CTNNA2: variants seen among roughly 807,000 people sequenced by gnomAD.
CTNNA2 encodes catenin alpha-2.
Under a neutral mutation model 101.0 loss-of-function variants are expected in CTNNA2, and 42 were observed. The observed-to-expected ratio is 0.42, with a 90% CI of 0.32 to 0.54. The LOEUF (loss-of-function observed/expected upper bound fraction) is 0.54. Among genes scored for constraint, CTNNA2 ranks in the 20% least tolerant of loss-of-function variants. The pLI, the probability that CTNNA2 is intolerant of heterozygous loss-of-function variation, is 0.14. For missense variants in CTNNA2, 871 were observed against 1,223.1 expected (o/e 0.71, Z 4.29); for synonymous variants, 450 against 456.4 (o/e 0.99, Z 0.18).
At chr2:79,400,262 G>A (rs778701187) in intron 4 of CTNNA2, among the ~76,000 whole-genome samples, 1 of 151,926 alleles carries the variant, frequency 6.6e-6, no homozygotes. Context: ...TGTCTACAAG[G>A]AAATTCCTTG....
intron 9 of CTNNA2, among the ~76,000 whole-genome samples, chr2:80,517,261 GCCCT>G (rs1370655840): frequency 6.6e-6 from 1 of 152,220 alleles, no homozygotes; most frequent in Non-Finnish European, 1.5e-5. Flanking sequence ...TTGGCTGTCA[GCCCT>G]GGAGGCTCAT....
chr2:79,670,468 T>G (rs1682759973), intron 2 of CTNNA2, among the ~76,000 whole-genome samples: 1 of 152,062 alleles, frequency 6.6e-6, no homozygotes, highest in South Asian at 2.1e-4. Flanking sequence ...GAAGACTGAC[T>G]CCATGGAGTG....
At chr2:79,481,034 T>C (rs1671104314) in intron 4 of CTNNA2, among the ~76,000 whole-genome samples, 1 of 152,120 alleles carries the variant, frequency 6.6e-6, no homozygotes, top group Non-Finnish European at 1.5e-5. Context: ...TTATCTTTTA[T>C]TTCAATGGAA....
At chr2:79,767,339 T>C (rs929385377) in intron 3 of CTNNA2, among the ~76,000 whole-genome samples, 3 of 152,124 alleles carry the variant, frequency 2.0e-5, no homozygotes, top group South Asian at 4.1e-4. Context: ...TTCTCCAGGA[T>C]TGGTCCCTGG....
rs1328867857 is a variant in CTNNA2 at position 80,213,740 on chromosome 2, C to A, written c.1057-179471C>A. ...AGATGTCTATTAGGTCTGCTTGGTGCAGAGCTGAGTTCAATTCCTGGGTAT... is the reference window on the plus strand; with the variant it reads ...AGATGTCTATTAGGTCTGCTTGGTGAAGAGCTGAGTTCAATTCCTGGGTAT... On this transcript the variant is annotated intron_variant, in intron 7 of 18. Coordinates refer to ENST00000402739, the MANE Select transcript of CTNNA2 (RefSeq NM_001282597.3). Among the ~76,000 whole-genome samples the A allele has an allele frequency of 2.0e-5, 3 of 152,102 alleles. No individual in the cohort carries two copies. The East Asian group carries it at 5.8e-4, about 29-fold the overall frequency.
chr2:80,399,798 GGA>G (rs1678388296), intron 8 of CTNNA2, among the ~76,000 whole-genome samples: 1 of 152,100 alleles, frequency 6.6e-6, no homozygotes, highest in African/African-American at 2.4e-5. Flanking sequence ...ATCCACTGTA[GGA>G]TTATGAAACA....
At chr2:80,238,126 G>C (rs370004577) in intron 7 of CTNNA2, among the ~76,000 whole-genome samples, 2 of 152,116 alleles carry the variant, frequency 1.3e-5, no homozygotes, top group Admixed American at 6.5e-5. Flanking sequence ...GCACTGTTCT[G>C]GACTGTAATA....
chr2:79,443,356 AT>A (rs1354858318), intron 4 of CTNNA2, among the ~76,000 whole-genome samples: 1 of 152,074 alleles, frequency 6.6e-6, no homozygotes, highest in Non-Finnish European at 1.5e-5. Flanking sequence ...GAGAGGATGA[AT>A]GTCCCAGCTC....
At chr2:80,105,034 T>C (rs1316934219) in intron 7 of CTNNA2, among the ~76,000 whole-genome samples, 1 of 152,204 alleles carries the variant, frequency 6.6e-6, no homozygotes, top group Non-Finnish European at 1.5e-5. Context: ...GTTTTGCTAC[T>C]GTTCTTGAAA....
intron 4 of CTNNA2, among the ~76,000 whole-genome samples, chr2:79,388,515 A>G (rs1262076958): frequency 2.0e-5 from 3 of 152,240 alleles, no homozygotes; most frequent in Non-Finnish European, 2.9e-5. Flanking sequence ...TTAAAAGTTA[A>G]GAAATATAAA....
intron 3 of CTNNA2, among the ~76,000 whole-genome samples, chr2:79,837,186 A>G (rs1679437651): frequency 6.6e-6 from 1 of 152,210 alleles, no homozygotes; most frequent in Non-Finnish European, 1.5e-5. Flanking sequence ...ACAATAGGCC[A>G]TCTGCAGGCA....
rs564729778 is a variant in CTNNA2, at chr2:79,627,136, C to T, written c.-5-24416C>T. On this transcript the variant is annotated intron_variant, in intron 1 of 18. Coordinates refer to ENST00000402739, the MANE Select transcript of CTNNA2 (RefSeq NM_001282597.3). ...TTTTAGCGTTATCATCTTGTGAGAT[C>T]ACCACCCAAACATGAAGGCAAGTGC... Among the ~76,000 whole-genome samples the T allele has an allele frequency of 3.3e-5, 5 of 152,292 alleles. No homozygotes were observed. The South Asian group carries it at 1.0e-3, about 32-fold the overall frequency.
chr2:79,587,307 C>T (rs567488109), intron 1 of CTNNA2, among the ~76,000 whole-genome samples: 19 of 152,112 alleles, frequency 1.2e-4, no homozygotes, highest in Admixed American at 5.2e-4. Flanking sequence ...TGAAAGAAAC[C>T]GTGGGCTGAG....
At chr2:79,635,498 GTTCTTC>G (rs560866688) in intron 1 of CTNNA2, among the ~76,000 whole-genome samples, 1 of 151,732 alleles carries the variant, frequency 6.6e-6, no homozygotes, top group Admixed American at 6.6e-5. Context: ...ATACATGATA[GTTCTTC>G]TTCTTCTTTT....
At chr2:79,663,491 T>A (rs954599199) in intron 2 of CTNNA2, among the ~76,000 whole-genome samples, 1 of 152,134 alleles carries the variant, frequency 6.6e-6, no homozygotes. Context: ...ACATACTGAG[T>A]TCTCTCTGGC....
At chr2:79,595,166 C>G (rs896083069) in intron 1 of CTNNA2, among the ~76,000 whole-genome samples, 3 of 152,176 alleles carry the variant, frequency 2.0e-5, no homozygotes, top group Admixed American at 2.0e-4. Context: ...CCATTCCACT[C>G]TCACCCGGTT....
intron 7 of CTNNA2, among the ~76,000 whole-genome samples, chr2:80,372,930 C>A (rs1256452849): frequency 6.6e-5 from 10 of 152,148 alleles, no homozygotes; most frequent in Admixed American, 5.9e-4. Flanking sequence ...ACCAGGGATG[C>A]TGTTAAATAT....
chr2:79,862,005 T>G (rs1423576647), intron 4 of CTNNA2, among the ~76,000 whole-genome samples: 1 of 151,246 alleles, frequency 6.6e-6, no homozygotes, highest in African/African-American at 2.5e-5. Context: ...AAAGGAATCC[T>G]GCATGTCAAT....
At chr2:80,132,363 GTTTC>G (rs998358553) in intron 7 of CTNNA2, among the ~76,000 whole-genome samples, 6 of 152,186 alleles carry the variant, frequency 3.9e-5, no homozygotes, top group African/African-American at 1.4e-4. Context: ...CTGTTTCAAA[GTTTC>G]TTTCATGCAT....
Sources: allele counts gnomAD v4.1 joint callset (sites outside exome capture counted in the v4.1 genomes callset), GRCh38; gene constraint gnomAD v4.1.1; transcripts MANE v1.5; gene names NCBI Gene and HGNC (gene_info 2026-07-23, HGNC 2026-07-21).